The following DMXL1 variants were observed in gnomAD, a reference collection of about 807,000 sequenced individuals.
DMXL1 encodes Dmx like 1.
A neutral mutation model predicts 319.2 loss-of-function variants in DMXL1; 99 were observed. That is an observed-to-expected ratio of 0.31 (90% CI 0.26 to 0.37). The LOEUF is 0.37. Ranked by LOEUF, DMXL1 falls within the 10% of genes least tolerant of loss-of-function variation. DMXL1 has a pLI of 1.00. For synonymous variants in DMXL1, 1,385 were observed against 1,235.2 expected (o/e 1.12, Z -2.54); for missense variants, 3,745 against 3,595.6 (o/e 1.04, Z -1.06).
At chr5:119,208,166 C>G (rs1782081918) in intron 34 of DMXL1, among the ~76,000 whole-genome samples, 1 of 150,158 alleles carries the variant, frequency 6.7e-6, no homozygotes, top group Non-Finnish European at 1.5e-5. Flanking sequence ...TTTTCCTTGC[C>G]TGGGTTTTGA....
intron 19 of DMXL1, among the ~76,000 whole-genome samples, chr5:119,159,916 G>A (rs778744684): frequency 2.0e-5 from 3 of 152,174 alleles, no homozygotes; most frequent in African/African-American, 7.2e-5. Flanking sequence ...GAGCCACTGC[G>A]CCTAGCCTTT....
intron 30 of DMXL1, among the ~76,000 whole-genome samples, chr5:119,196,001 G>A (rs1374881501): frequency 1.3e-5 from 2 of 151,992 alleles, no homozygotes; most frequent in Non-Finnish European, 2.9e-5. Context: ...CTGCTTTCTT[G>A]CAGAGAGGGT....
rs113049425 is a variant in DMXL1, at chr5:119,183,552, A to G, written c.7135+5308A>G. On this transcript the variant is annotated intron_variant, in intron 28 of 43. Transcript: ENST00000539542. ...CAGTGGCGTGATCTCGGCTCACTGC[A>G]GCCTCCGCCTCCCAGGTTCAAGTGA... Among the ~76,000 whole-genome samples, 412 of 152,252 alleles carry G rather than the reference A, an allele frequency of 2.7e-3. 2 individuals carry two copies. Among genetic ancestry groups the G allele is most frequent in the African/African-American group, 9.1e-3 (378 of 41,542 alleles).
At chr5:119,153,998 AC>A (rs1770422946) in intron 19 of DMXL1, among the ~76,000 whole-genome samples, 2 of 152,266 alleles carry the variant, frequency 1.3e-5, no homozygotes, top group South Asian at 4.1e-4. Flanking sequence ...GATCTTTGTT[AC>A]TATTATAATG....
chr5:119,165,302 AAAG>A (rs1270729654), intron 21 of DMXL1, 22 bp downstream of exon 21: 14 of 1,258,596 alleles, frequency 1.1e-5, no homozygotes, highest in Admixed American at 6.7e-5. Context: ...AAAAAAAAAA[AAAG>A]GGTGCTTCAA....
rs1251009200 is a variant in DMXL1 at position 119,237,416 on chromosome 5, TAAGCC to T, written c.8559+6_8559+10del. The T allele has an allele frequency of 2.5e-6, 4 of 1,584,096 alleles. No homozygotes were observed. The South Asian group carries it at 3.4e-5, about 14-fold the overall frequency. The stretch of plus-strand genomic sequence containing the variant: ...GGAAGCATGCCTAAGCCATACCTGG[TAAGCC>T]AAGAATTTCTACCTTTAAATAAAAT... On this transcript the variant is annotated splice_donor_5th_base_variant and intron_variant, in intron 40 of 43. Coordinates refer to ENST00000539542, the MANE Select transcript of DMXL1 (RefSeq NM_001290321.3).
chr5:119,148,936 A>G lies in DMXL1; in HGVS notation c.3109A>G (p.Asn1037Asp). ...PLLIEDGLQS[N>D]SSITVPGRPV... ...ACTTATTGAAGATGGACTTCAGAGC[A>G]ATAGTAGTATAACTGTACCTGGTAG... Residue 1037 changes from asparagine (N) to aspartate (D), a missense_variant, in exon 18 of 44, where the codon AAT (asparagine) becomes GAT (aspartate). Around this residue, in one of 4 missense-constraint regions of DMXL1, gnomAD observed 2,096 missense variants for 1,985.4 expected, o/e 1.06. Coordinates refer to ENST00000539542, the MANE Select transcript of DMXL1 (RefSeq NM_001290321.3). 6.2e-7 allele frequency: 1 copy of G among 1,613,920 alleles called. No individual in the cohort carries two copies. The highest frequency in any genetic ancestry group is 8.5e-7 in the Non-Finnish European group (1 of 1,179,836).
At chr5:119,233,738 T>C (rs1272170847) in intron 39 of DMXL1, among the ~76,000 whole-genome samples, 2 of 152,282 alleles carry the variant, frequency 1.3e-5, no homozygotes, top group East Asian at 3.9e-4. Context: ...TATTATTAAA[T>C]GCTCCTACTC....
At chr5:119,164,240 G>A (rs751063932) in intron 19 of DMXL1, among the ~76,000 whole-genome samples, 4 of 152,020 alleles carry the variant, frequency 2.6e-5, no homozygotes, top group Non-Finnish European at 4.4e-5. Context: ...AAAAGGATCC[G>A]AAATACATCA....
intron 38 of DMXL1, among the ~76,000 whole-genome samples, chr5:119,226,108 G>A (rs116761266): frequency 0.012 from 1,816 of 152,164 alleles, 37 homozygotes; most frequent in African/African-American, 0.041. Context: ...CACGCTCAAA[G>A]CTTCAAAGGT....
intron 13 of DMXL1, among the ~76,000 whole-genome samples, chr5:119,139,546 TA>T (rs1766815121): frequency 6.6e-6 from 1 of 152,068 alleles, no homozygotes; most frequent in African/African-American, 2.4e-5. Context: ...TACACAATGG[TA>T]AAGGGTTCAA....
chr5:119,143,730 A>G, intron 13 of DMXL1, 111 bp from the exon 14 acceptor site: 1 of 621,140 alleles, frequency 1.6e-6, no homozygotes, highest in East Asian at 3.1e-5. Flanking sequence ...GACTATATTT[A>G]GGCCCACTTG....
intron 38 of DMXL1, among the ~76,000 whole-genome samples, chr5:119,230,259 G>A (rs2150662707): frequency 6.6e-6 from 1 of 152,276 alleles, no homozygotes; most frequent in East Asian, 1.9e-4. Context: ...TTAAGGATAT[G>A]CCTGCTTTAA....
chr5:119,178,237 T>G lies in DMXL1; in HGVS notation c.7128T>G (p.Thr2376=), dbSNP rs771833553. ...GCAAAGAACAGACACATTCAAAAAC[T>G]TTACCTGGTGAGTTTAAAAAATTTT... is the stretch of plus-strand genomic sequence containing the variant. ...VPSKEQTHSK[T]LPVSSLVEEG... is the part of the protein sequence containing the mutation. Residue 2376 remains threonine, a synonymous_variant, in exon 28 of 44, where the codon ACT becomes ACG. Transcript: ENST00000539542. 19 of 1,612,178 alleles carry G rather than the reference T, an allele frequency of 1.2e-5. No homozygotes were observed. The highest frequency in any genetic ancestry group is 1.5e-5 in the Non-Finnish European group (18 of 1,178,944).
rs751743825 is a variant in DMXL1, at chr5:119,151,946, G to C, written c.4612G>C (p.Glu1538Gln). ...DRSQGGETLD[E>Q]CGLKFLLAVR... Reference sequence around the variant, plus strand: ...CATTGCAGGTGGAGAAACTCTTGATGAATGTGGGTTAAAATTTCTTTTGGC... The same window carrying C: ...CATTGCAGGTGGAGAAACTCTTGATCAATGTGGGTTAAAATTTCTTTTGGC... The change falls in exon 19 of 44, where the codon GAA (glutamate) becomes CAA (glutamine). Residue 1538 changes from glutamate (E) to glutamine (Q), a missense_variant. Physicochemically the swap from Glu to Gln is conservative, Grantham distance 29 (BLOSUM62 2). Transcript: ENST00000539542. 6.8e-6 allele frequency: 11 copies of C among 1,612,258 alleles called. No individual in the cohort carries two copies. In the South Asian group the frequency reaches 1.2e-4, roughly 18 times the overall value.
At chr5:119,175,804 A>G (rs140826101) in intron 26 of DMXL1, among the ~76,000 whole-genome samples, 8 of 152,214 alleles carry the variant, frequency 5.3e-5, no homozygotes, top group African/African-American at 1.9e-4. Flanking sequence ...GATGTATAGG[A>G]TATTTCTCTG....
At chr5:119,123,121 C>T (rs1762586758) in intron 9 of DMXL1, among the ~76,000 whole-genome samples, 4 of 152,108 alleles carry the variant, frequency 2.6e-5, no homozygotes, top group South Asian at 2.1e-4. Flanking sequence ...GCCAACACAG[C>T]GAAATCCCGT....
In DMXL1 at chr5:119,116,206, G is replaced by C; in HGVS notation, c.613G>C (p.Ala205Pro). Reference sequence around the variant, plus strand: ...GTATAATGTAGAAAACTGGCGGACAGCTGTTACTTCTCCAGATGGAAGTTC... The same window carrying C: ...GTATAATGTAGAAAACTGGCGGACACCTGTTACTTCTCCAGATGGAAGTTC... Reference protein sequence around the residue: ...VWYNVENWRTAVTSPDGSSEK... With the variant: ...VWYNVENWRTPVTSPDGSSEK... The change falls in exon 7 of 44, where the codon GCT (alanine) becomes CCT (proline). Residue 205 changes from alanine (A) to proline (P), a missense_variant. Physicochemically the swap from Ala to Pro is conservative, Grantham distance 27. This residue lies in a region of DMXL1 where 2,096 missense variants were observed against 1,985.4 expected (regional missense o/e 1.06). Coordinates refer to ENST00000539542, the MANE Select transcript of DMXL1 (RefSeq NM_001290321.3). The C allele has an allele frequency of 6.2e-7, 1 of 1,613,930 alleles. No individual in the cohort carries two copies. Among genetic ancestry groups the C allele is most frequent in the Non-Finnish European group, 8.5e-7 (1 of 1,179,972 alleles).
At chr5:119,239,125 A>G in intron 41 of DMXL1, 45 bp downstream of exon 41, 1 of 1,594,424 alleles carries the variant, frequency 6.3e-7, no homozygotes. Context: ...AGTATAGCTG[A>G]ACTTTTTTTT....
Sources: gnomAD v4.1 joint callset for allele counts (sites outside exome capture counted in the v4.1 genomes callset) on GRCh38, gnomAD v4.1.1 for gene constraint, gnomAD v4.1.1 regional missense constraint, MANE v1.5 for transcripts, NCBI Gene and HGNC (gene_info 2026-07-23, HGNC 2026-07-21) for gene names.